The following IGFL2 variants were observed in gnomAD, a reference collection of about 807,000 sequenced individuals.
IGFL2 encodes insulin growth factor-like family member 2.
Under a neutral mutation model 13.9 loss-of-function variants are expected in IGFL2, and 7 were observed. The ratio of observed to expected loss-of-function variants is 0.51; its 90% CI spans 0.29 to 0.95. The LOEUF (loss-of-function observed/expected upper bound fraction) is 0.95. IGFL2 is among the 40% of genes least tolerant of loss of function. IGFL2 has a pLI of 0.08. For missense variants in IGFL2, 138 were observed against 147.8 expected (o/e 0.93, Z 0.34); for synonymous variants, 55 against 55.8 (o/e 0.99, Z 0.07).
chr19:46,157,525 A>G (rs1973889889), intron 1 of IGFL2, among the ~76,000 whole-genome samples: 1 of 152,242 alleles, frequency 6.6e-6, no homozygotes, highest in Non-Finnish European at 1.5e-5. Flanking sequence ...TAAAGAAGAA[A>G]AATGACATGA....
At chr19:46,093,991 A>T in the IGFL2 span, among the ~76,000 whole-genome samples, 8 of 150,428 alleles carry the variant, frequency 5.3e-5, no homozygotes, top group Admixed American at 2.0e-4. Context: ...AGTATTCTTC[A>T]CCTTGATATG....
At chr19:46,124,227 A>G in the IGFL2 span, 1 of 1,608,608 alleles carries the variant, frequency 6.2e-7, no homozygotes, top group Non-Finnish European at 8.5e-7. Flanking sequence ...TTTTCCCAAC[A>G]CCACCTCTTC....
At chr19:46,149,036 G>T (rs758713128) in intron 1 of IGFL2, 3 of 1,604,370 alleles carry the variant, frequency 1.9e-6, no homozygotes, top group East Asian at 4.5e-5. Context: ...GGAGTGTGCT[G>T]GGTAAGTAAG....
the IGFL2 span, among the ~76,000 whole-genome samples, chr19:46,093,924 T>C: frequency 2.0e-5 from 3 of 151,798 alleles, no homozygotes; most frequent in African/African-American, 7.3e-5. Flanking sequence ...CATAAAGATC[T>C]AAATAAAAGG....
chr19:46,200,507 TTC>T, the IGFL2 span, among the ~76,000 whole-genome samples: 39 of 51,570 alleles, frequency 7.6e-4, no homozygotes, highest in Middle Eastern at 9.8e-3. Context: ...TTCTTTTCTT[TTC>T]TCTTTTCTTT....
upstream of IGFL2, among the ~76,000 whole-genome samples, chr19:46,141,391 G>A (rs1052258312): frequency 9.2e-5 from 14 of 152,194 alleles, no homozygotes; most frequent in African/African-American, 3.1e-4. Flanking sequence ...AGACACGCCA[G>A]GATCACAGAG....
At chr19:46,120,925 A>G in the IGFL2 span, among the ~76,000 whole-genome samples, 572 of 151,050 alleles carry the variant, frequency 3.8e-3, 33 homozygotes, top group African/African-American at 0.013. Flanking sequence ...CATAAATACA[A>G]CTATAATTTG....
the IGFL2 span, among the ~76,000 whole-genome samples, chr19:46,105,739 G>A: frequency 1.3e-5 from 2 of 152,172 alleles, no homozygotes; most frequent in African/African-American, 4.8e-5. Context: ...GATTTTGAAG[G>A]CCTCTAAAAG....
At chr19:46,185,324 C>A in the IGFL2 span, among the ~76,000 whole-genome samples, 1 of 152,226 alleles carries the variant, frequency 6.6e-6, no homozygotes, top group African/African-American at 2.4e-5. Flanking sequence ...GTCTACTACC[C>A]TTCCTTAGGG....
At chr19:46,102,376 C>T in the IGFL2 span, among the ~76,000 whole-genome samples, 11 of 152,080 alleles carry the variant, frequency 7.2e-5, no homozygotes, top group East Asian at 1.9e-4. Flanking sequence ...AATTTTGTTG[C>T]GGGCAGCGGG....
At chr19:46,100,235 C>A in the IGFL2 span, among the ~76,000 whole-genome samples, 1 of 152,094 alleles carries the variant, frequency 6.6e-6, no homozygotes, top group African/African-American at 2.4e-5. Context: ...TTCATTGATT[C>A]TTTCTCATCT....
At position 46,151,986 on chromosome 19, in the gene IGFL2, G is replaced by C. The variant is rs573903987; in HGVS notation, c.19+3689G>C. On this transcript the variant is annotated intron_variant, in intron 1 of 3. Transcript: ENST00000377693. ...ATTTTTGGCACCTGAACAATATTAAGTCTTCCAATTTGCGAACATGGATGT... is the reference window on the plus strand; with the variant it reads ...ATTTTTGGCACCTGAACAATATTAACTCTTCCAATTTGCGAACATGGATGT... 8.3e-4 allele frequency among the ~76,000 whole-genome samples: 127 copies of C among 152,244 alleles called. 2 individuals are homozygous for C. In the Middle Eastern group the frequency reaches 0.017, roughly 20 times the overall value.
At chr19:46,149,490 C>T (rs891533029) in intron 1 of IGFL2, among the ~76,000 whole-genome samples, 3 of 151,284 alleles carry the variant, frequency 2.0e-5, no homozygotes, top group Admixed American at 6.6e-5. Context: ...TCACCTGGCT[C>T]CATAGCCCCC....
At chr19:46,185,355 G>GC in the IGFL2 span, among the ~76,000 whole-genome samples, 2 of 152,330 alleles carry the variant, frequency 1.3e-5, no homozygotes, top group African/African-American at 4.8e-5. Flanking sequence ...CTCCAGTCCA[G>GC]CCTGGGGAAG....
At chr19:46,128,965 A>G in the IGFL2 span, among the ~76,000 whole-genome samples, 3 of 152,144 alleles carry the variant, frequency 2.0e-5, no homozygotes, top group Admixed American at 6.5e-5. Flanking sequence ...CTGTGAATCC[A>G]TCTGGTCTTG....
chr19:46,124,662 G>C, the IGFL2 span: 1 of 1,607,270 alleles, frequency 6.2e-7, no homozygotes, highest in Non-Finnish European at 8.5e-7. Flanking sequence ...TTCCAAAGAT[G>C]CTCTAGGAGA....
the IGFL2 span, among the ~76,000 whole-genome samples, chr19:46,126,824 G>A: frequency 3.3e-5 from 5 of 152,068 alleles, no homozygotes; most frequent in Admixed American, 6.5e-5. Flanking sequence ...GACTTAGTTC[G>A]TCCCTGTACA....
the IGFL2 span, among the ~76,000 whole-genome samples, chr19:46,114,442 T>C: frequency 1.3e-5 from 2 of 152,198 alleles, no homozygotes; most frequent in Non-Finnish European, 2.9e-5. Context: ...TCTTATTTGG[T>C]TAGTCTTTGT....
At chr19:46,114,611 T>C in the IGFL2 span, among the ~76,000 whole-genome samples, 1 of 152,162 alleles carries the variant, frequency 6.6e-6, no homozygotes, top group Non-Finnish European at 1.5e-5. Flanking sequence ...TCCCTCATTC[T>C]TTTCTCGTGA....
Sources: allele counts gnomAD v4.1 joint callset (sites outside exome capture counted in the v4.1 genomes callset), GRCh38; gene constraint gnomAD v4.1.1; transcripts MANE v1.5; gene names NCBI Gene and HGNC (gene_info 2026-07-23, HGNC 2026-07-21).